The following MEF2C variants were observed in gnomAD, a reference collection of about 807,000 sequenced individuals.
MEF2C encodes myocyte enhancer factor 2C.
A neutral mutation model predicts 50.5 loss-of-function variants in MEF2C; 6 were observed. That is an observed-to-expected ratio of 0.12 (90% confidence interval 0.07 to 0.23). MEF2C has a LOEUF of 0.23. Ranked by LOEUF, MEF2C falls within the 10% of genes least tolerant of loss-of-function variation. MEF2C has a pLI of 1.00. For missense variants in MEF2C, 276 were observed against 605.0 expected (o/e 0.46, Z 5.70); for synonymous variants, 183 against 228.0 (o/e 0.80, Z 1.78).
chr5:88,833,975 C>T (rs1186113637), intron 1 of MEF2C, among the ~76,000 whole-genome samples: 1 of 152,192 alleles, frequency 6.6e-6, no homozygotes, highest in East Asian at 1.9e-4. Context: ...AGCTAAATGG[C>T]CTTCAGGATG....
chr5:88,735,899 T>C, intron 6 of MEF2C: 1 of 985,406 alleles, frequency 1.0e-6, no homozygotes, highest in Non-Finnish European at 1.2e-6. Context: ...TATTTGGATG[T>C]TTAGGCATTT....
At chr5:88,823,432 G>C (rs979706898) in intron 2 of MEF2C, among the ~76,000 whole-genome samples, 1 of 151,904 alleles carries the variant, frequency 6.6e-6, no homozygotes, top group Non-Finnish European at 1.5e-5. Flanking sequence ...ATGTAGCAAT[G>C]TTATGCTGAT....
At chr5:88,787,491 G>A (rs547867660) in intron 3 of MEF2C, among the ~76,000 whole-genome samples, 2 of 152,160 alleles carry the variant, frequency 1.3e-5, no homozygotes, top group Non-Finnish European at 2.9e-5. Flanking sequence ...CTCGCCCTCC[G>A]TTAGAGAATG....
chr5:88,772,893 G>C, intron 3 of MEF2C: 1 of 985,462 alleles, frequency 1.0e-6, no homozygotes, highest in Non-Finnish European at 1.2e-6. Context: ...AACACACTTA[G>C]ATGCTAATTG....
chr5:88,751,838 C>T lies in MEF2C; in HGVS notation c.589+19G>A, dbSNP rs1460049267. Reference sequence around the variant, plus strand: ...TCCTTCCAACTATTTGTTAGCATTACATCCTTATGAGGACATACCTGTGTT... The same window carrying T: ...TCCTTCCAACTATTTGTTAGCATTATATCCTTATGAGGACATACCTGTGTT... On this transcript the variant is annotated intron_variant, in intron 5 of 10. Transcript: ENST00000504921. 2 of 1,611,216 alleles carry T rather than the reference C, an allele frequency of 1.2e-6. No individual in the cohort carries two copies. Among genetic ancestry groups the T allele is most frequent in the Admixed American group, 3.3e-5 (2 of 59,920 alleles).
In MEF2C at chr5:88,722,501, C is replaced by A; in HGVS notation, c.*103G>T. ...CAGAGTACCTGACTTTTTTTTTTTC[C>A]ACACACGGCACATATAATGCATATC... On this transcript the variant is annotated 3_prime_UTR_variant, in exon 11 of 11. Coordinates refer to ENST00000504921, the MANE Select transcript of MEF2C (RefSeq NM_002397.5). 9.5e-7 allele frequency: 1 copy of A among 1,048,276 alleles called. No individual in the cohort carries two copies. The highest frequency in any genetic ancestry group is 1.4e-6 in the Non-Finnish European group (1 of 726,858). 64.9% of individuals were successfully genotyped at this position (1,048,276 alleles called of 1,614,324 possible).
intron 3 of MEF2C, among the ~76,000 whole-genome samples, chr5:88,781,636 A>T (rs909837560): frequency 6.6e-6 from 1 of 152,130 alleles, no homozygotes; most frequent in Non-Finnish European, 1.5e-5. Flanking sequence ...ATTTGGCAGT[A>T]TTGTATTCAG....
rs148209343 is a variant in MEF2C at position 88,733,167 on chromosome 5, G to A, written c.638-1266C>T. 3.0e-5 allele frequency: 30 copies of A among 985,322 alleles called. No individual in the cohort carries two copies. The East Asian group carries it at 3.4e-3, about 112-fold the overall frequency. The allele number at this position is 985,322 out of a possible 1,614,324, so 61.0% of individuals were successfully genotyped here. On this transcript the variant is annotated intron_variant, in intron 6 of 10. Transcript: ENST00000504921. Reference sequence around the variant, plus strand: ...GTGATCCAATAAAAGATTCACAGAAGAGGCAGGAATTGATGAGGGCCTTAA... The same window carrying A: ...GTGATCCAATAAAAGATTCACAGAAAAGGCAGGAATTGATGAGGGCCTTAA...
At chr5:88,859,350 A>T (rs1824675429) in intron 1 of MEF2C, among the ~76,000 whole-genome samples, 2 of 152,242 alleles carry the variant, frequency 1.3e-5, no homozygotes, top group Non-Finnish European at 2.9e-5. Flanking sequence ...GACAAGGCAC[A>T]TTCAAGCTCT....
intron 3 of MEF2C, among the ~76,000 whole-genome samples, chr5:88,765,353 A>T (rs969678014): frequency 1.3e-5 from 2 of 152,228 alleles, no homozygotes; most frequent in African/African-American, 2.4e-5. Context: ...TGCCAAGAAC[A>T]AATGATTATG....
At chr5:88,750,577 C>CA (rs1181126393) in intron 5 of MEF2C, among the ~76,000 whole-genome samples, 1 of 151,748 alleles carries the variant, frequency 6.6e-6, no homozygotes, top group African/African-American at 2.4e-5. Flanking sequence ...GTATCAAATT[C>CA]AAAAAAATGA....
intron 1 of MEF2C, among the ~76,000 whole-genome samples, chr5:88,872,789 A>T (rs1706061108): frequency 6.6e-6 from 1 of 151,990 alleles, no homozygotes; most frequent in African/African-American, 2.4e-5. Flanking sequence ...ACACCTGCCT[A>T]AAACCACTAA....
At chr5:88,839,599 G>A (rs1458329810) in intron 1 of MEF2C, 2 of 152,128 alleles carry the variant, frequency 1.3e-5, no homozygotes, top group Non-Finnish European at 2.9e-5. Context: ...CCTCAGGTAT[G>A]TTTGTGGGTC....
chr5:88,829,751 G>A (rs1002479894), intron 1 of MEF2C, among the ~76,000 whole-genome samples: 2 of 152,038 alleles, frequency 1.3e-5, no homozygotes, highest in Non-Finnish European at 2.9e-5. Context: ...AGAAAAAACA[G>A]GGTTAGAATT....
intron 1 of MEF2C, among the ~76,000 whole-genome samples, chr5:88,857,960 A>T (rs1824065751): frequency 6.6e-6 from 1 of 152,258 alleles, no homozygotes. Flanking sequence ...AAAATCTCAA[A>T]GCATGATTTT....
At chr5:88,823,044 C>T (rs1485368829) in intron 2 of MEF2C, among the ~76,000 whole-genome samples, 4 of 151,882 alleles carry the variant, frequency 2.6e-5, no homozygotes, top group African/African-American at 7.2e-5. Context: ...TAATGCCAAA[C>T]TGAGCATTTG....
chr5:88,789,332 A>G (rs569130503), intron 3 of MEF2C, among the ~76,000 whole-genome samples: 1 of 151,854 alleles, frequency 6.6e-6, no homozygotes, highest in African/African-American at 2.4e-5. Context: ...ACATCCAGCT[A>G]ATTTATTTTT....
In MEF2C at chr5:88,728,548, C is replaced by T. The variant is rs1431233073; in HGVS notation, c.1045G>A (p.Gly349Ser). 1.3e-6 allele frequency: 2 copies of T among 1,536,140 alleles called. No homozygotes were observed. Among genetic ancestry groups the T allele is most frequent in the South Asian group, 1.2e-5 (1 of 81,052 alleles). Reference protein sequence around the residue: ...ASALHLGSVTGWQQQHLHNMP... With the variant: ...ASALHLGSVTSWQQQHLHNMP... ...TTATGTAGGTGTTGCTGTTGCCAGC[C>T]AGTTACTGAACCAAGGTGAAGAGCG... Residue 349 changes from glycine (G) to serine (S), a missense_variant, in exon 10 of 11, where the codon GGC (glycine) becomes AGC (serine). By Grantham distance (56) the Gly-to-Ser change is moderately conservative (BLOSUM62 0). Around this residue, in one of 2 missense-constraint regions of MEF2C, gnomAD observed 256 missense variants for 468.1 expected, o/e 0.55. Coordinates refer to ENST00000504921, the MANE Select transcript of MEF2C (RefSeq NM_002397.5).
intron 4 of MEF2C, among the ~76,000 whole-genome samples, chr5:88,760,427 C>T (rs558937843): frequency 6.6e-6 from 1 of 152,258 alleles, no homozygotes; most frequent in Non-Finnish European, 1.5e-5. Context: ...GAAATCTTAC[C>T]ATTAGGTTTC....
Sources: allele counts gnomAD v4.1 joint callset (sites outside exome capture counted in the v4.1 genomes callset), GRCh38; gene constraint gnomAD v4.1.1; regional missense constraint gnomAD v4.1.1; transcripts MANE v1.5; gene names NCBI Gene and HGNC (gene_info 2026-07-23, HGNC 2026-07-21).